Variants in SGCZ observed in about 807,000 individuals in gnomAD.
The protein encoded by SGCZ is sarcoglycan zeta, also known as zeta-sarcoglycan.
SGCZ carries 40 observed loss-of-function variants against 41.3 expected under a neutral mutation model. The observed-to-expected ratio is 0.97, with a 90% CI of 0.75 to 1.26. The LOEUF is 1.26. Ranked by LOEUF, SGCZ falls within the 50% of genes most tolerant of loss-of-function variation. The pLI is 0.00. For synonymous variants in SGCZ, 206 were observed against 137.5 expected (o/e 1.50, Z -3.49); for missense variants, 552 against 369.8 (o/e 1.49, Z -4.04).
intron 1 of SGCZ, among the ~76,000 whole-genome samples, chr8:14,621,674 G>A (rs1168502914): frequency 6.6e-6 from 1 of 151,844 alleles, no homozygotes; most frequent in Non-Finnish European, 1.5e-5. Context: ...AGAGTGAAGT[G>A]GGGAAGTGCT....
In SGCZ at chr8:14,885,841, G is replaced by A. The variant is rs534938071; in HGVS notation, c.40-330915C>T. ...TATTTTTCTGATTATAAAAAGAAGTGCAACTCACAGAAGAGAATTTGGGAA... is the reference window on the plus strand; with the variant it reads ...TATTTTTCTGATTATAAAAAGAAGTACAACTCACAGAAGAGAATTTGGGAA... On this transcript the variant is annotated intron_variant, in intron 1 of 7. Transcript: ENST00000382080. Among the ~76,000 whole-genome samples, 22 of 151,516 alleles carry A rather than the reference G, an allele frequency of 1.5e-4. 1 individual carries two copies. The South Asian group carries it at 3.5e-3, about 24-fold the overall frequency.
chr8:14,253,245 TG>T (rs1233435675), intron 3 of SGCZ, among the ~76,000 whole-genome samples: 26 of 62,282 alleles, frequency 4.2e-4, no homozygotes, highest in Non-Finnish European at 8.6e-4. Flanking sequence ...GTGTGTAGGG[TG>T]TGTGTGTGTG....
chr8:14,550,485 G>A (rs1489216493), intron 2 of SGCZ, among the ~76,000 whole-genome samples: 3 of 151,822 alleles, frequency 2.0e-5, no homozygotes, highest in Admixed American at 6.6e-5. Flanking sequence ...TTCTTTTGTA[G>A]GATGAAATAT....
intron 3 of SGCZ, among the ~76,000 whole-genome samples, chr8:14,266,825 C>T (rs988537555): frequency 1.9e-4 from 29 of 151,992 alleles, no homozygotes; most frequent in African/African-American, 6.5e-4. Flanking sequence ...AACACAGATC[C>T]GACATAAACT....
intron 5 of SGCZ, among the ~76,000 whole-genome samples, chr8:14,142,990 T>G: frequency 7.5e-6 from 1 of 133,594 alleles, no homozygotes; most frequent in Non-Finnish European, 1.6e-5. Context: ...AACGTTTTTC[T>G]TTATAAATTA....
chr8:14,140,369 G>A (rs1027473755), intron 5 of SGCZ, among the ~76,000 whole-genome samples: 4 of 152,096 alleles, frequency 2.6e-5, no homozygotes, highest in African/African-American at 7.2e-5. Context: ...AGGAAAAGAG[G>A]AAGTCAAACT....
intron 1 of SGCZ, among the ~76,000 whole-genome samples, chr8:14,901,315 C>CT (rs763378016): frequency 2.0e-5 from 3 of 152,134 alleles, no homozygotes; most frequent in Non-Finnish European, 4.4e-5. Flanking sequence ...AACAGAAAGG[C>CT]ATCTGTCCAT....
chr8:14,798,064 T>C (rs1387274306), intron 1 of SGCZ, among the ~76,000 whole-genome samples: 1 of 152,164 alleles, frequency 6.6e-6, no homozygotes, highest in Non-Finnish European at 1.5e-5. Flanking sequence ...AGAAAGGAAA[T>C]GTTGGGGCCC....
chr8:15,038,890 T>C (rs1431428760), intron 1 of SGCZ, among the ~76,000 whole-genome samples: 2 of 147,252 alleles, frequency 1.4e-5, no homozygotes, highest in African/African-American at 2.5e-5. Flanking sequence ...CTGCTTAACA[T>C]CACTAATCAT....
chr8:14,989,983 C>T (rs1801952715), intron 1 of SGCZ, among the ~76,000 whole-genome samples: 1 of 152,132 alleles, frequency 6.6e-6, no homozygotes, highest in African/African-American at 2.4e-5. Flanking sequence ...GTACGCATGA[C>T]TGAGGCACTA....
At chr8:14,892,278 T>C (rs539948969) in intron 1 of SGCZ, among the ~76,000 whole-genome samples, 1 of 152,048 alleles carries the variant, frequency 6.6e-6, no homozygotes, top group Non-Finnish European at 1.5e-5. Flanking sequence ...ATCTGCTGAG[T>C]GTAGGGGATA....
At chr8:14,567,289 C>T (rs920045817) in intron 1 of SGCZ, among the ~76,000 whole-genome samples, 23 of 152,332 alleles carry the variant, frequency 1.5e-4, no homozygotes, top group African/African-American at 5.5e-4. Context: ...TGGGTGAAGC[C>T]AGCTGAGCTC....
intron 1 of SGCZ, among the ~76,000 whole-genome samples, chr8:14,933,191 T>G (rs1474898128): frequency 6.6e-6 from 1 of 151,838 alleles, no homozygotes; most frequent in African/African-American, 2.4e-5. Flanking sequence ...AACACACAAT[T>G]CACCCATGTA....
chr8:14,483,426 C>T (rs1801588016), intron 2 of SGCZ, among the ~76,000 whole-genome samples: 3 of 152,094 alleles, frequency 2.0e-5, no homozygotes, highest in Admixed American at 2.0e-4. Flanking sequence ...AAAAAATTAG[C>T]TGGGCATGGT....
intron 1 of SGCZ, among the ~76,000 whole-genome samples, chr8:14,720,050 T>A (rs1384583151): frequency 2.6e-5 from 4 of 152,044 alleles, no homozygotes; most frequent in African/African-American, 4.8e-5. Context: ...AAGGAAGGGA[T>A]CCAGTTTCAG....
chr8:14,286,015 T>G (rs1800611925), intron 3 of SGCZ, among the ~76,000 whole-genome samples: 1 of 152,134 alleles, frequency 6.6e-6, no homozygotes, highest in Non-Finnish European at 1.5e-5. Flanking sequence ...GATAAATTAT[T>G]ACTAATAGGA....
intron 2 of SGCZ, among the ~76,000 whole-genome samples, chr8:14,371,356 T>C (rs2117162044): frequency 6.6e-6 from 1 of 152,176 alleles, no homozygotes; most frequent in East Asian, 1.9e-4. Context: ...CAACATTTTC[T>C]GGTATTAGAG....
In SGCZ at chr8:15,012,484, T is replaced by G. The variant is rs186843206; in HGVS notation, c.39+225101A>C. Among the ~76,000 whole-genome samples the G allele has an allele frequency of 4.4e-3, 622 of 142,832 alleles. 6 individuals carry two copies. Among genetic ancestry groups the G allele is most frequent in the African/African-American group, 0.015 (592 of 38,816 alleles). The allele number at this position is 142,832 out of a possible 152,430, so 93.7% of individuals were successfully genotyped here. A position where few individuals can be genotyped will look rare whatever the true frequency, so the allele number is the denominator to read the frequency against. ...TCTAAAAAATAAATATAAATATATATATATATAAAATAAATGTATAAATAT... is the reference window on the plus strand; with the variant it reads ...TCTAAAAAATAAATATAAATATATAGATATATAAAATAAATGTATAAATAT... On this transcript the variant is annotated intron_variant, in intron 1 of 7. Transcript: ENST00000382080.
chr8:14,993,743 G>A (rs1051694588), intron 1 of SGCZ, among the ~76,000 whole-genome samples: 1 of 152,170 alleles, frequency 6.6e-6, no homozygotes, highest in Non-Finnish European at 1.5e-5. Flanking sequence ...TGTACCTGGC[G>A]CAGCATGAAT....
Sources: allele counts gnomAD v4.1 joint callset (sites outside exome capture counted in the v4.1 genomes callset), GRCh38; gene constraint gnomAD v4.1.1; transcripts MANE v1.5; gene names NCBI Gene and HGNC (gene_info 2026-07-23, HGNC 2026-07-21).